Variants in GSC observed in about 807,000 individuals in gnomAD.
GSC encodes homeobox protein goosecoid.
A neutral mutation model predicts 24.5 loss-of-function variants in GSC; 13 were observed. The observed-to-expected ratio is 0.53, with a 90% CI of 0.35 to 0.84. GSC has a LOEUF of 0.84. Among genes scored for constraint, GSC ranks in the 40% least tolerant of loss-of-function variants. The probability of loss-of-function intolerance (pLI) is 0.01; values close to 1 mark genes in which losing one functional copy is unlikely to be tolerated. For missense variants in GSC, 382 were observed against 384.2 expected, an observed-to-expected ratio of 0.99 and a Z score of 0.05; for synonymous variants, 199 against 182.1, an observed-to-expected ratio of 1.09 and a Z score of -0.75.
chr14:94,769,914 G>A lies in GSC; in HGVS notation c.102C>T (p.Val34=). Residue 34 remains valine (V), a synonymous_variant, in exon 1 of 3, where the codon GTC becomes GTT. Transcript: ENST00000238558. ...PVAHSAAAPV[V]FPALHGDSLY... is the part of the protein sequence containing the mutation. ...GCGAGTCCCCGTGCAGGGCCGGGAA[G>A]ACGACGGGAGCCGCCGCGCTGTGCG... is the stretch of plus-strand genomic sequence containing the variant. 2 of 1,532,364 alleles carry A rather than the reference G, an allele frequency of 1.3e-6. No homozygotes were observed. The highest frequency in any genetic ancestry group is 2.5e-5 in the East Asian group (1 of 40,160). 94.9% of individuals were successfully genotyped at this position (1,532,364 alleles called of 1,614,324 possible).
rs1885222944 is a variant in GSC, at chr14:94,768,833, C to T, written c.615+125G>A. The T allele has an allele frequency of 3.5e-6, 5 of 1,431,372 alleles. No homozygotes were observed. In the East Asian group the frequency reaches 9.9e-5, roughly 28 times the overall value. The allele number at this position is 1,431,372 out of a possible 1,614,324, so 88.7% of individuals were successfully genotyped here. A position where few individuals can be genotyped will look rare whatever the true frequency, so the allele number is the denominator to read the frequency against. On this transcript the variant is annotated intron_variant, in intron 2 of 2. Coordinates refer to ENST00000238558, the MANE Select transcript of GSC (RefSeq NM_173849.3). ...TGGGCCTAAAGCGCCCTCCAGCAGC[C>T]TGCGGGCCGCCATCGGGATGTTTTT...
Position 94,769,981 on chromosome 14 carries a change from A to G in GSC, c.35T>C (p.Leu12Pro), listed in dbSNP as rs764836563. 3 of 1,560,082 alleles carry G rather than the reference A, an allele frequency of 1.9e-6. No homozygotes were observed. The highest frequency in any genetic ancestry group is 2.3e-5 in the South Asian group (2 of 86,018). Residue 12 changes from leucine (L) to proline (P), a missense_variant, in exon 1 of 3, where the codon CTA becomes CCA. Transcript: ENST00000238558. Reference sequence around the variant, plus strand: ...GTCCTTGCAGCGCGGCCGGGCGGCTAGGATGTTGTCGATGCTGAACATGCT... The same window carrying G: ...GTCCTTGCAGCGCGGCCGGGCGGCTGGGATGTTGTCGATGCTGAACATGCT... ...PASMFSIDNI[L>P]AARPRCKDSV...
chr14:94,770,105 G>A lies in GSC; in HGVS notation c.-90C>T. ...GGGGGTCCACTCTCCTCCAGCCGCC[G>A]ACCAAACCGAAAGAGAGCGCCGGCG... is the stretch of plus-strand genomic sequence containing the variant. On this transcript the variant is annotated 5_prime_UTR_variant, in exon 1 of 3. Transcript: ENST00000238558. The A allele has an allele frequency of 2.3e-6, 3 of 1,283,482 alleles. No homozygotes were observed. Among genetic ancestry groups the A allele is most frequent in the Non-Finnish European group, 3.2e-6 (3 of 952,050 alleles). 79.5% of individuals were successfully genotyped at this position (1,283,482 alleles called of 1,614,324 possible). A position where few individuals can be genotyped will look rare whatever the true frequency, so the allele number is the denominator to read the frequency against.
At chr14:94,768,714 C>T in intron 2 of GSC, 65 bp from the exon 3 acceptor site, 11 of 1,596,418 alleles carry the variant, frequency 6.9e-6, no homozygotes, top group Admixed American at 1.7e-5. Context: ...CCCGGGGCAC[C>T]CGGGGAGCTT....
At position 94,768,653 on chromosome 14, in the gene GSC, T is replaced by A. The variant is rs1566880785; in HGVS notation, c.616-4A>T. On this transcript the variant is annotated splice_region_variant and splice_polypyrimidine_tract_variant and intron_variant, in intron 2 of 2. Coordinates refer to ENST00000238558, the MANE Select transcript of GSC (RefSeq NM_173849.3). ...CGCGGCGGTTCTTAAACCAGACCTGTTGCGCAACGGAGGACAAAACAGTTC... is the reference window on the plus strand; with the variant it reads ...CGCGGCGGTTCTTAAACCAGACCTGATGCGCAACGGAGGACAAAACAGTTC... 1 of 1,613,222 alleles carries A rather than the reference T, an allele frequency of 6.2e-7. No homozygotes were observed. Among genetic ancestry groups the A allele is most frequent in the Non-Finnish European group, 8.5e-7 (1 of 1,179,998 alleles).
At chr14:94,768,934 C>A in intron 2 of GSC, 24 bp downstream of exon 2, 1 of 1,567,752 alleles carries the variant, frequency 6.4e-7, no homozygotes, top group South Asian at 1.2e-5. Context: ...CCGCTAGGCG[C>A]CCACGGCAGG....
At position 94,770,081 on chromosome 14, in the gene GSC, G is replaced by T; in HGVS notation, c.-66C>A. 1 of 1,422,760 alleles carries T rather than the reference G, an allele frequency of 7.0e-7. No homozygotes were observed. Among genetic ancestry groups the T allele is most frequent in the Non-Finnish European group, 9.4e-7 (1 of 1,060,360 alleles). 88.1% of individuals were successfully genotyped at this position (1,422,760 alleles called of 1,614,324 possible). A position where few individuals can be genotyped will look rare whatever the true frequency, so the allele number is the denominator to read the frequency against. On this transcript the variant is annotated 5_prime_UTR_variant, in exon 1 of 3. Transcript: ENST00000238558. ...GCCGAGGACAGAGCCTTAAAGTGGG[G>T]GGGTCCACTCTCCTCCAGCCGCCGA... is the stretch of plus-strand genomic sequence containing the variant.
At position 94,768,665 on chromosome 14, in the gene GSC, G is replaced by A. The variant is rs1312938809; in HGVS notation, c.616-16C>T. 3.1e-6 allele frequency: 5 copies of A among 1,612,528 alleles called. No individual in the cohort carries two copies. The highest frequency in any genetic ancestry group is 2.2e-5 in the East Asian group (1 of 44,878). ...TAAACCAGACCTGTTGCGCAACGGA[G>A]GACAAAACAGTTCAGATCAAAGGCG... On this transcript the variant is annotated splice_polypyrimidine_tract_variant and intron_variant, in intron 2 of 2. Transcript: ENST00000238558.
At position 94,769,749 on chromosome 14, in the gene GSC, G is replaced by C. The variant is rs1380125441; in HGVS notation, c.267C>G (p.His89Gln). 20 of 1,442,442 alleles carry C rather than the reference G, an allele frequency of 1.4e-5. No homozygotes were observed. The highest frequency in any genetic ancestry group is 1.7e-5 in the Non-Finnish European group (19 of 1,107,108). 89.4% of individuals were successfully genotyped at this position (1,442,442 alleles called of 1,614,324 possible). A position where few individuals can be genotyped will look rare whatever the true frequency, so the allele number is the denominator to read the frequency against. Reference sequence around the variant, plus strand: ...CCGGGCCCACGGGCGCCGCCTGCACGTGCAGCTGCCCGTAGAAGTAGTTGT... The same window carrying C: ...CCGGGCCCACGGGCGCCGCCTGCACCTGCAGCTGCCCGTAGAAGTAGTTGT... ...GYNNYFYGQLHVQAAPVGPAC... is the reference protein window; with the variant it reads ...GYNNYFYGQLQVQAAPVGPAC... Residue 89 changes from histidine to glutamine, a missense_variant, in exon 1 of 3, where the codon CAC becomes CAG. Transcript: ENST00000238558.
At position 94,769,190 on chromosome 14, in the gene GSC, A is replaced by T. The variant is rs1885232634; in HGVS notation, c.383T>A (p.Val128Glu). 4 of 1,559,048 alleles carry T rather than the reference A, an allele frequency of 2.6e-6. No homozygotes were observed. The highest frequency in any genetic ancestry group is 2.6e-6 in the Non-Finnish European group (3 of 1,152,078). The change falls in exon 2 of 3, where the codon GTG becomes GAG. Residue 128 changes from valine (V) to glutamate (E), a missense_variant. Coordinates refer to ENST00000238558, the MANE Select transcript of GSC (RefSeq NM_173849.3). ...CAGCATCTGGTGCGGTACCGGGGAC[A>T]CCAGCACCGAACCGGGGCCCTCGTA... ...PGYEGPGSVL[V>E]SPVPHQMLPY... is the part of the protein sequence containing the mutation.
In GSC at chr14:94,769,816, G is replaced by A. The variant is rs1885247617; in HGVS notation, c.200C>T (p.Ala67Val). 7.1e-7 allele frequency: 1 copy of A among 1,412,254 alleles called. No individual in the cohort carries two copies. Among genetic ancestry groups the A allele is most frequent in the Non-Finnish European group, 9.1e-7 (1 of 1,095,684 alleles). 87.5% of individuals were successfully genotyped at this position (1,412,254 alleles called of 1,614,324 possible). ...FYPRPVAPGG[A>V]GLPAAVSGSR... is the part of the protein sequence containing the mutation. The stretch of plus-strand genomic sequence containing the variant: ...GCCGCTGACCGCGGCCGGGAGGCCC[G>A]CGCCGCCGGGGGCCACGGGGCGCGG... Residue 67 changes from alanine (A) to valine (V), a missense_variant, in exon 1 of 3, where the codon GCG becomes GTG. Transcript: ENST00000238558.
chr14:94,770,101 C>A lies in GSC; in HGVS notation c.-86G>T. On this transcript the variant is annotated 5_prime_UTR_variant, in exon 1 of 3. Transcript: ENST00000238558. Reference sequence around the variant, plus strand: ...GTGGGGGGGTCCACTCTCCTCCAGCCGCCGACCAAACCGAAAGAGAGCGCC... The same window carrying A: ...GTGGGGGGGTCCACTCTCCTCCAGCAGCCGACCAAACCGAAAGAGAGCGCC... 1 of 1,319,490 alleles carries A rather than the reference C, an allele frequency of 7.6e-7. No homozygotes were observed. The highest frequency in any genetic ancestry group is 1.4e-5 in the South Asian group (1 of 71,938). The allele number at this position is 1,319,490 out of a possible 1,614,324, so 81.7% of individuals were successfully genotyped here. A position where few individuals can be genotyped will look rare whatever the true frequency, so the allele number is the denominator to read the frequency against.
Position 94,768,533 on chromosome 14 carries a change from C to G in GSC, c.732G>C (p.Lys244Asn). The G allele has an allele frequency of 6.2e-7, 1 of 1,614,230 alleles. No homozygotes were observed. Among genetic ancestry groups the G allele is most frequent in the South Asian group, 1.1e-5 (1 of 91,086 alleles). Residue 244 changes from lysine (K) to asparagine (N), a missense_variant, in exon 3 of 3, where the codon AAG becomes AAC. Physicochemically the swap from Lys to Asn is moderately conservative, Grantham distance 94. Coordinates refer to ENST00000238558, the MANE Select transcript of GSC (RefSeq NM_173849.3). ...AATCGCTTTTACCTTCCTCTTCCCT[C>G]TTCTCCGGTGACGCCTTCGACGACG... ...KTSSSKASPE[K>N]REEEGKSDLD...
rs936564254 is a variant in GSC at position 94,769,827 on chromosome 14, G to A, written c.189C>T (p.Ala63=). 27 of 1,419,668 alleles carry A rather than the reference G, an allele frequency of 1.9e-5. No homozygotes were observed. The Admixed American group carries it at 4.1e-4, about 22-fold the overall frequency. 87.9% of individuals were successfully genotyped at this position (1,419,668 alleles called of 1,614,324 possible). ...DYGAFYPRPV[A]PGGAGLPAAV... The stretch of plus-strand genomic sequence containing the variant: ...CGGCCGGGAGGCCCGCGCCGCCGGG[G>A]GCCACGGGGCGCGGGTAGAAGGCGC... Residue 63 remains alanine, a synonymous_variant, in exon 1 of 3, where the codon GCC becomes GCT. Coordinates refer to ENST00000238558, the MANE Select transcript of GSC (RefSeq NM_173849.3).
rs772688976 is a variant in GSC at position 94,768,542 on chromosome 14, T to C, written c.723A>G (p.Ser241=). The C allele has an allele frequency of 1.2e-6, 2 of 1,614,214 alleles. No homozygotes were observed. Among genetic ancestry groups the C allele is most frequent in the East Asian group, 2.2e-5 (1 of 44,880 alleles). ...KWNKTSSSKA[S]PEKREEEGKS... ...TACCTTCCTCTTCCCTCTTCTCCGG[T>C]GACGCCTTCGACGACGACGTCTTGT... The change falls in exon 3 of 3, where the codon TCA becomes TCG. Residue 241 remains serine, a synonymous_variant. Transcript: ENST00000238558.
chr14:94,769,567 G>T, intron 1 of GSC, 94 bp downstream of exon 1: 1 of 1,390,454 alleles, frequency 7.2e-7, no homozygotes, highest in Non-Finnish European at 9.3e-7. Flanking sequence ...GGAGTTGCAA[G>T]AGGAGCAAAG....
chr14:94,770,018 C>G lies in GSC; in HGVS notation c.-3G>C. The G allele has an allele frequency of 6.5e-7, 1 of 1,549,216 alleles. No homozygotes were observed. Among genetic ancestry groups the G allele is most frequent in the Non-Finnish European group, 8.7e-7 (1 of 1,156,048 alleles). On this transcript the variant is annotated 5_prime_UTR_variant, in exon 1 of 3. Coordinates refer to ENST00000238558, the MANE Select transcript of GSC (RefSeq NM_173849.3). ...ATGCTGAACATGCTGGCGGGCATCC[C>G]CGAGCCCCGCGTCGGGACCGGGGGG...
intron 2 of GSC, 48 bp from the exon 3 acceptor site, chr14:94,768,697 C>T (rs1027869502): frequency 1.9e-6 from 3 of 1,606,528 alleles, no homozygotes; most frequent in African/African-American, 2.7e-5. Flanking sequence ...GGCGCGCTTC[C>T]CCCAGTCCCG....
At position 94,768,655 on chromosome 14, in the gene GSC, G is replaced by T; in HGVS notation, c.616-6C>A. ...CGGCGGTTCTTAAACCAGACCTGTTGCGCAACGGAGGACAAAACAGTTCAG... is the reference window on the plus strand; with the variant it reads ...CGGCGGTTCTTAAACCAGACCTGTTTCGCAACGGAGGACAAAACAGTTCAG... On this transcript the variant is annotated splice_region_variant and splice_polypyrimidine_tract_variant and intron_variant, in intron 2 of 2. Coordinates refer to ENST00000238558, the MANE Select transcript of GSC (RefSeq NM_173849.3). The T allele has an allele frequency of 6.2e-7, 1 of 1,613,096 alleles. No individual in the cohort carries two copies. Among genetic ancestry groups the T allele is most frequent in the South Asian group, 1.1e-5 (1 of 91,084 alleles).
Sources: allele counts gnomAD v4.1 joint callset, GRCh38; gene constraint gnomAD v4.1.1; transcripts MANE v1.5; gene names NCBI Gene and HGNC (gene_info 2026-07-23, HGNC 2026-07-21).